Variants in TCF7L2 observed in about 807,000 individuals in gnomAD.
TCF7L2 encodes transcription factor 7 like 2, also known as transcription factor 7-like 2.
A neutral mutation model predicts 77.9 loss-of-function variants in TCF7L2; 23 were observed. That is an observed-to-expected ratio of 0.30 (90% CI 0.21 to 0.42). TCF7L2 has a LOEUF of 0.42. Ranked by LOEUF, TCF7L2 falls within the 10% of genes least tolerant of loss-of-function variation. The pLI is 1.00. For synonymous variants in TCF7L2, 413 were observed against 340.2 expected (o/e 1.21, Z -2.36); for missense variants, 654 against 793.1 (o/e 0.82, Z 2.11).
chr10:112,981,401 A>G (rs1329821487), intron 4 of TCF7L2, among the ~76,000 whole-genome samples: 1 of 152,160 alleles, frequency 6.6e-6, no homozygotes, highest in Non-Finnish European at 1.5e-5. Context: ...GTTTATCTCT[A>G]TCAGAAAATA....
intron 5 of TCF7L2, among the ~76,000 whole-genome samples, chr10:113,050,280 G>A (rs1433970631): frequency 1.3e-5 from 2 of 152,188 alleles, no homozygotes; most frequent in African/African-American, 4.8e-5. Context: ...TGTTGCTCAG[G>A]TGCTGGGGTG....
intron 5 of TCF7L2, among the ~76,000 whole-genome samples, chr10:113,073,129 T>TGTGTGTGTGAGA (rs56927661): frequency 1.5e-3 from 185 of 123,550 alleles, no homozygotes; most frequent in East Asian, 5.2e-3. Flanking sequence ...TGTGTGTGTG[T>TGTGTGTGTGAGA]GAGAGAGAGA....
intron 5 of TCF7L2, among the ~76,000 whole-genome samples, chr10:113,090,859 C>T (rs903041407): frequency 1.3e-5 from 2 of 152,190 alleles, no homozygotes; most frequent in African/African-American, 2.4e-5. Context: ...CCGCCCGCCT[C>T]GGCCTCCCAA....
At chr10:113,061,275 T>G (rs1174237006) in intron 5 of TCF7L2, among the ~76,000 whole-genome samples, 5 of 152,004 alleles carry the variant, frequency 3.3e-5, no homozygotes, top group Non-Finnish European at 7.4e-5. Context: ...TTTTGGTCAT[T>G]TTGCAAAGAG....
chr10:113,152,712 G>T (rs553517324), intron 11 of TCF7L2, among the ~76,000 whole-genome samples: 1 of 152,242 alleles, frequency 6.6e-6, no homozygotes, highest in African/African-American at 2.4e-5. Flanking sequence ...AGGTTGATTT[G>T]GTGCTTGTCT....
At chr10:113,016,745 A>T (rs2047398961) in intron 4 of TCF7L2, among the ~76,000 whole-genome samples, 1 of 150,946 alleles carries the variant, frequency 6.6e-6, no homozygotes. Flanking sequence ...TTTTTTTTTT[A>T]AAGGAAAGAT....
chr10:113,081,480 G>A (rs1199468858), intron 5 of TCF7L2, among the ~76,000 whole-genome samples: 1 of 152,228 alleles, frequency 6.6e-6, no homozygotes, highest in African/African-American at 2.4e-5. Context: ...TCATTGCTGA[G>A]TAAGGTGGAT....
intron 5 of TCF7L2, among the ~76,000 whole-genome samples, chr10:113,073,150 G>GAGAGAGAGAGAGAA (rs1564855702): frequency 6.7e-6 from 1 of 149,014 alleles, no homozygotes; most frequent in African/African-American, 2.5e-5. Context: ...GAGAGAGAGA[G>GAGAGAGAGAGAGAA]ACAGAGAGAG....
chr10:113,133,863 T>A (rs1472719090), intron 5 of TCF7L2, among the ~76,000 whole-genome samples: 1 of 152,150 alleles, frequency 6.6e-6, no homozygotes, highest in Non-Finnish European at 1.5e-5. Flanking sequence ...CCTAGGAGGC[T>A]CTCAGGGATT....
chr10:113,044,434 G>A (rs1454848539), intron 5 of TCF7L2, among the ~76,000 whole-genome samples: 1 of 152,122 alleles, frequency 6.6e-6, no homozygotes, highest in Non-Finnish European at 1.5e-5. Flanking sequence ...AAACACATGC[G>A]CTGTTTCGAT....
At chr10:113,051,203 CCACA>C (rs55771704) in intron 5 of TCF7L2, among the ~76,000 whole-genome samples, 3,345 of 140,460 alleles carry the variant, frequency 0.024, 47 homozygotes, top group Admixed American at 0.026. Context: ...TGCATACACA[CCACA>C]CACACACACA....
intron 4 of TCF7L2, among the ~76,000 whole-genome samples, chr10:112,966,211 T>TATATATATATATATATA (rs57702716): frequency 1.4e-4 from 19 of 137,446 alleles, no homozygotes; most frequent in African/African-American, 4.4e-4. Context: ...TATATATATA[T>TATATATATATATATATA]TTTCTTTTCT....
At chr10:112,993,414 G>A (rs2042936515) in intron 4 of TCF7L2, among the ~76,000 whole-genome samples, 1 of 151,900 alleles carries the variant, frequency 6.6e-6, no homozygotes, top group African/African-American at 2.4e-5. Flanking sequence ...GCTGAGGCAT[G>A]AGAATCACTG....
chr10:112,953,799 G>A (rs985124883), intron 3 of TCF7L2, among the ~76,000 whole-genome samples: 5 of 152,156 alleles, frequency 3.3e-5, no homozygotes, highest in Non-Finnish European at 5.9e-5. Context: ...AGGAATAGAC[G>A]GCGTCTAGTT....
At position 113,096,173 on chromosome 10, in the gene TCF7L2, G is replaced by A. The variant is rs566828058; in HGVS notation, c.553-45011G>A. 6.6e-5 allele frequency among the ~76,000 whole-genome samples: 10 copies of A among 152,272 alleles called. No individual in the cohort carries two copies. The East Asian group carries it at 9.7e-4, about 15-fold the overall frequency. On this transcript the variant is annotated intron_variant, in intron 5 of 13. Transcript: ENST00000627217. ...TTAGCACTTAGGGAGAGGGGTAGACGCTGCAGGGGTGGTTTTGACTTATCT... is the reference window on the plus strand; with the variant it reads ...TTAGCACTTAGGGAGAGGGGTAGACACTGCAGGGGTGGTTTTGACTTATCT...
At chr10:113,116,144 G>T (rs1313671788) in intron 5 of TCF7L2, among the ~76,000 whole-genome samples, 1 of 152,090 alleles carries the variant, frequency 6.6e-6, no homozygotes. Flanking sequence ...GTTATGTATA[G>T]TTTATCATGA....
intron 4 of TCF7L2, among the ~76,000 whole-genome samples, chr10:112,970,487 C>CATGTGA (rs2038005894): frequency 1.3e-5 from 2 of 151,758 alleles, no homozygotes; most frequent in Admixed American, 1.3e-4. Context: ...CCATGTTGGC[C>CATGTGA]ACTTATTCCT....
At chr10:113,054,804 G>C (rs1002473867) in intron 5 of TCF7L2, among the ~76,000 whole-genome samples, 7 of 151,826 alleles carry the variant, frequency 4.6e-5, no homozygotes, top group African/African-American at 1.7e-4. Flanking sequence ...TGACATAAGT[G>C]GCTTCACATT....
intron 4 of TCF7L2, among the ~76,000 whole-genome samples, chr10:112,972,995 G>T (rs1416623926): frequency 6.6e-6 from 1 of 152,192 alleles, no homozygotes; most frequent in Non-Finnish European, 1.5e-5. Context: ...TGCTCACAGT[G>T]GTCTAGGGGT....
Sources: allele counts gnomAD v4.1 joint callset (sites outside exome capture counted in the v4.1 genomes callset), GRCh38; gene constraint gnomAD v4.1.1; transcripts MANE v1.5; gene names NCBI Gene and HGNC (gene_info 2026-07-23, HGNC 2026-07-21).